HOMER1: variants seen among roughly 807,000 people sequenced by gnomAD.
HOMER1 encodes the protein homer scaffold protein 1, also known as homer protein homolog 1.
A neutral mutation model predicts 48.9 loss-of-function variants in HOMER1; 3 were observed. That is an observed-to-expected ratio of 0.06 (90% CI 0.03 to 0.16). The LOEUF is 0.16. Ranked by LOEUF, HOMER1 falls within the 10% of genes least tolerant of loss-of-function variation. The pLI, the probability that HOMER1 is intolerant of heterozygous loss-of-function variation, is 1.00. For missense variants in HOMER1, 247 were observed against 411.4 expected (o/e 0.60, Z 3.46); for synonymous variants, 134 against 146.4 (o/e 0.92, Z 0.61).
Position 79,500,871 on chromosome 5 carries a change from C to T in HOMER1, c.5+11899G>A, listed in dbSNP as rs190749663. On this transcript the variant is annotated intron_variant, in intron 1 of 8. Coordinates refer to ENST00000334082, the MANE Select transcript of HOMER1 (RefSeq NM_004272.5). ...AACTCCTGGCCTCAAGTGATCCGCCCGCCTCAGCCTCCCAAAGTGCTGGGA... is the reference window on the plus strand; with the variant it reads ...AACTCCTGGCCTCAAGTGATCCGCCTGCCTCAGCCTCCCAAAGTGCTGGGA... Among the ~76,000 whole-genome samples the T allele has an allele frequency of 9.4e-3, 1,415 of 151,118 alleles. 18 individuals are homozygous for T. The highest frequency in any genetic ancestry group is 0.032 in the African/African-American group (1,329 of 41,148).
At chr5:79,512,691 A>G (rs1752975106) in intron 1 of HOMER1, 79 bp downstream of exon 1, 1 of 1,388,038 alleles carries the variant, frequency 7.2e-7, no homozygotes, top group African/African-American at 1.4e-5. Context: ...TTGAAAACAC[A>G]AAACACAATC....
Position 79,417,278 on chromosome 5 carries a change from G to T in HOMER1, c.528-15223C>A, listed in dbSNP as rs571979049. ...CTGCCTCAGCCTCCTGAGTAGCTGGGACTACAGGGGCCTGCCACCACGTCC... is the reference window on the plus strand; with the variant it reads ...CTGCCTCAGCCTCCTGAGTAGCTGGTACTACAGGGGCCTGCCACCACGTCC... On this transcript the variant is annotated intron_variant, in intron 5 of 8. Transcript: ENST00000334082. Among the ~76,000 whole-genome samples the T allele has an allele frequency of 2.6e-5, 4 of 152,196 alleles. No homozygotes were observed. The East Asian group carries it at 7.7e-4, about 29-fold the overall frequency.
intron 1 of HOMER1, among the ~76,000 whole-genome samples, chr5:79,468,365 T>G (rs1686695817): frequency 6.6e-6 from 1 of 152,208 alleles, no homozygotes; most frequent in African/African-American, 2.4e-5. Context: ...TGAGATGTGC[T>G]CTAAATGCAA....
intron 5 of HOMER1, among the ~76,000 whole-genome samples, chr5:79,409,084 G>GA (rs772069998): frequency 1.4e-3 from 150 of 109,306 alleles, no homozygotes; most frequent in Middle Eastern, 4.9e-3. Context: ...TTTGTCTTGA[G>GA]AAAAAAAAAA....
At chr5:79,495,532 T>C (rs148130454) in intron 1 of HOMER1, among the ~76,000 whole-genome samples, 1 of 152,322 alleles carries the variant, frequency 6.6e-6, no homozygotes, top group African/African-American at 2.4e-5. Context: ...TACATGGCTA[T>C]CTACTTATCT....
At chr5:79,429,895 C>T (rs553343898) in intron 5 of HOMER1, among the ~76,000 whole-genome samples, 6 of 151,684 alleles carry the variant, frequency 4.0e-5, no homozygotes, top group East Asian at 2.0e-4. Flanking sequence ...TGGCGGCGGG[C>T]GCCTGTAGTC....
chr5:79,462,379 T>C (rs1037002194), intron 1 of HOMER1, among the ~76,000 whole-genome samples: 1 of 152,186 alleles, frequency 6.6e-6, no homozygotes, highest in Non-Finnish European at 1.5e-5. Context: ...TTCTAGGAAA[T>C]TGGTGTAACA....
chr5:79,512,757 C>T lies in HOMER1; in HGVS notation c.5+13G>A. On this transcript the variant is annotated intron_variant, in intron 1 of 8. Coordinates refer to ENST00000334082, the MANE Select transcript of HOMER1 (RefSeq NM_004272.5). ...AACAGATTCGAAGCTGTGTTAAGCA[C>T]AAAAATCCTTACCCCATTTTGCCCA... 6.2e-7 allele frequency: 1 copy of T among 1,613,136 alleles called. No homozygotes were observed. Among genetic ancestry groups the T allele is most frequent in the Non-Finnish European group, 8.5e-7 (1 of 1,179,268 alleles).
At chr5:79,459,741 A>C (rs978786845) in intron 1 of HOMER1, among the ~76,000 whole-genome samples, 3 of 152,228 alleles carry the variant, frequency 2.0e-5, no homozygotes, top group African/African-American at 7.2e-5. Flanking sequence ...TAAAAACAAA[A>C]TGCTCTTCAC....
At chr5:79,438,175 T>A (rs1750646010) in intron 5 of HOMER1, among the ~76,000 whole-genome samples, 1 of 152,110 alleles carries the variant, frequency 6.6e-6, no homozygotes, top group South Asian at 2.1e-4. Flanking sequence ...TTAAAATTGG[T>A]CCCCAAAAGA....
chr5:79,509,628 TTGCCTTCAC>T (rs1752879980), intron 1 of HOMER1, among the ~76,000 whole-genome samples: 1 of 152,218 alleles, frequency 6.6e-6, no homozygotes, highest in African/African-American at 2.4e-5. Flanking sequence ...CATACTTTAG[TTGCCTTCAC>T]TGCAATTAAC....
rs1017656530 is a variant in HOMER1, at chr5:79,379,478, AT to A, written c.877-3282del. Among the ~76,000 whole-genome samples the A allele has an allele frequency of 6.6e-4, 82 of 124,496 alleles. 1 individual carries two copies. The South Asian group carries it at 0.018, about 28-fold the overall frequency. 81.7% of individuals were successfully genotyped at this position (124,496 alleles called of 152,430 possible). A position where few individuals can be genotyped will look rare whatever the true frequency, so the allele number is the denominator to read the frequency against. ...TATATAATATATATTTTATATATAA[AT>A]ATATAAATATATAAATATTTATATA... On this transcript the variant is annotated intron_variant, in intron 8 of 8. Transcript: ENST00000334082.
intron 5 of HOMER1, among the ~76,000 whole-genome samples, chr5:79,412,308 CA>C (rs1378121888): frequency 2.0e-5 from 3 of 152,152 alleles, no homozygotes; most frequent in African/African-American, 7.2e-5. Flanking sequence ...AACGCAGAAG[CA>C]ACCAATATTG....
rs906871823 is a variant in HOMER1, at chr5:79,374,934, C to A, written c.*1075G>T. ...TAGAGCCAGATAGAGTACATGACTCCATCTCTATCTGCCACGATCACAATT... is the reference window on the plus strand; with the variant it reads ...TAGAGCCAGATAGAGTACATGACTCAATCTCTATCTGCCACGATCACAATT... On this transcript the variant is annotated 3_prime_UTR_variant, in exon 9 of 9. Coordinates refer to ENST00000334082, the MANE Select transcript of HOMER1 (RefSeq NM_004272.5). 2.6e-5 allele frequency: 4 copies of A among 151,828 alleles called. No individual in the cohort carries two copies. The highest frequency in any genetic ancestry group is 5.9e-5 in the Non-Finnish European group (4 of 67,872). 9.4% of individuals were successfully genotyped at this position (151,828 alleles called of 1,614,324 possible). A position where few individuals can be genotyped will look rare whatever the true frequency, so the allele number is the denominator to read the frequency against.
chr5:79,440,228 T>G (rs1750703361), intron 4 of HOMER1, among the ~76,000 whole-genome samples: 1 of 152,196 alleles, frequency 6.6e-6, no homozygotes, highest in Non-Finnish European at 1.5e-5. Context: ...AAACAGTAAC[T>G]GGGTTATATT....
At chr5:79,500,995 A>ACACACACACACACACACACACACACACAC (rs1460147206) in intron 1 of HOMER1, among the ~76,000 whole-genome samples, 2 of 124,222 alleles carry the variant, frequency 1.6e-5, no homozygotes, top group African/African-American at 7.4e-5. Flanking sequence ...CACACACACA[A>ACACACACACACACACACACACACACACAC]GGTCTGGCTC....
In HOMER1 at chr5:79,376,004, T is replaced by C; in HGVS notation, c.*5A>G. On this transcript the variant is annotated 3_prime_UTR_variant, in exon 9 of 9. Transcript: ENST00000334082. The stretch of plus-strand genomic sequence containing the variant: ...TAATTAATTGGCACTGAAATTTCAC[T>C]TTCCTTAGCTGCATTCTAGTAGCTT... The C allele has an allele frequency of 6.3e-7, 1 of 1,592,704 alleles. No homozygotes were observed. Among genetic ancestry groups the C allele is most frequent in the Non-Finnish European group, 8.6e-7 (1 of 1,167,148 alleles).
At position 79,495,178 on chromosome 5, in the gene HOMER1, A is replaced by T. The variant is rs574828278; in HGVS notation, c.5+17592T>A. Among the ~76,000 whole-genome samples the T allele has an allele frequency of 2.6e-5, 4 of 152,302 alleles. No individual in the cohort carries two copies. In the South Asian group the frequency reaches 8.3e-4, roughly 32 times the overall value. On this transcript the variant is annotated intron_variant, in intron 1 of 8. Coordinates refer to ENST00000334082, the MANE Select transcript of HOMER1 (RefSeq NM_004272.5). The stretch of plus-strand genomic sequence containing the variant: ...GCATCAAAAATATTTGAAAACCATT[A>T]ATCTAGAGGAAGAGTACAATCCTCT...
intron 1 of HOMER1, among the ~76,000 whole-genome samples, chr5:79,486,059 G>C (rs998426356): frequency 6.6e-6 from 1 of 152,286 alleles, no homozygotes; most frequent in African/African-American, 2.4e-5. Flanking sequence ...CCACCATGCT[G>C]TAAGGACAAG....
Sources: allele counts gnomAD v4.1 joint callset (sites outside exome capture counted in the v4.1 genomes callset), GRCh38; gene constraint gnomAD v4.1.1; transcripts MANE v1.5; gene names NCBI Gene and HGNC (gene_info 2026-07-23, HGNC 2026-07-21).